The following TMEM108 variants were observed in gnomAD, a reference collection of about 807,000 sequenced individuals.
TMEM108 encodes the protein transmembrane protein 108.
Under a neutral mutation model 35.1 loss-of-function variants are expected in TMEM108, and 12 were observed. The observed-to-expected ratio is 0.34, with a 90% CI of 0.22 to 0.55. TMEM108 has a LOEUF of 0.55. Among genes scored for constraint, TMEM108 ranks in the 20% least tolerant of loss-of-function variants. The probability of loss-of-function intolerance (pLI) is 0.89; values close to 1 mark genes in which losing one functional copy is unlikely to be tolerated. For missense variants in TMEM108, 680 were observed against 753.3 expected (o/e 0.90, Z 1.14); for synonymous variants, 287 against 308.6 (o/e 0.93, Z 0.73).
In TMEM108 at chr3:133,390,282, A is replaced by G. The variant is rs1403771553; in HGVS notation, c.1553A>G (p.Asn518Ser). 15 of 1,614,226 alleles carry G rather than the reference A, an allele frequency of 9.3e-6. No homozygotes were observed. The highest frequency in any genetic ancestry group is 3.3e-5 in the Admixed American group (2 of 60,026). The change falls in exon 5 of 6, where the codon AAC becomes AGC. Residue 518 changes from asparagine (N) to serine (S), a missense_variant. This residue lies in a region of TMEM108 where 105 missense variants were observed against 150.7 expected (regional missense o/e 0.70). Coordinates refer to ENST00000321871, the MANE Select transcript of TMEM108 (RefSeq NM_023943.4). The stretch of plus-strand genomic sequence containing the variant: ...AACACCATCACCATGGACTACTTCA[A>G]CAGGCATGCTGTGGAGCTGCCCAGG... ...WNNTITMDYF[N>S]RHAVELPREI...
intron 2 of TMEM108, among the ~76,000 whole-genome samples, chr3:133,129,574 C>A (rs1944463001): frequency 6.6e-6 from 1 of 152,080 alleles, no homozygotes; most frequent in Non-Finnish European, 1.5e-5. Context: ...CCTGACTTTC[C>A]TGGGAAGGCT....
intron 3 of TMEM108, among the ~76,000 whole-genome samples, chr3:133,284,381 C>G (rs62279002): frequency 1.3e-5 from 2 of 151,976 alleles, no homozygotes; most frequent in South Asian, 4.2e-4. Context: ...TAGAAAGGGC[C>G]GTTTGTTCAA....
intron 3 of TMEM108, among the ~76,000 whole-genome samples, chr3:133,370,145 C>CTTT (rs3054623): frequency 0.012 from 1,484 of 126,786 alleles, 34 homozygotes; most frequent in African/African-American, 0.027. Context: ...TTCAGACTCC[C>CTTT]TTTTTTTTTT....
chr3:133,275,834 A>G (rs1946831397), intron 3 of TMEM108, among the ~76,000 whole-genome samples: 1 of 152,182 alleles, frequency 6.6e-6, no homozygotes, highest in African/African-American at 2.4e-5. Context: ...TTCATTTTTC[A>G]GAGGATTTGC....
chr3:133,120,962 C>G (rs1447250174), intron 2 of TMEM108: 5 of 152,210 alleles, frequency 3.3e-5, no homozygotes, highest in Admixed American at 6.5e-5. Context: ...AACGGTAAGG[C>G]CTTTTTGGCA....
intron 3 of TMEM108, among the ~76,000 whole-genome samples, chr3:133,258,715 T>G (rs1946582935): frequency 6.6e-6 from 1 of 152,104 alleles, no homozygotes. Flanking sequence ...TCCCCAAAAC[T>G]TTGCATGAAG....
chr3:133,172,242 C>A (rs995859064), intron 2 of TMEM108, among the ~76,000 whole-genome samples: 2 of 152,138 alleles, frequency 1.3e-5, no homozygotes, highest in African/African-American at 4.8e-5. Context: ...GGACCCTGGA[C>A]AATCTGGTTC....
At chr3:133,082,996 C>T (rs963386008) in intron 2 of TMEM108, among the ~76,000 whole-genome samples, 6 of 152,194 alleles carry the variant, frequency 3.9e-5, no homozygotes, top group East Asian at 3.9e-4. Context: ...GCCCACTATA[C>T]GTCTAAAACA....
At chr3:133,206,656 C>G (rs1483541529) in intron 2 of TMEM108, among the ~76,000 whole-genome samples, 1 of 152,212 alleles carries the variant, frequency 6.6e-6, no homozygotes, top group Non-Finnish European at 1.5e-5. Context: ...AGATTGCTGC[C>G]TGTTCCTTCC....
intron 3 of TMEM108, among the ~76,000 whole-genome samples, chr3:133,304,170 T>A (rs944525594): frequency 2.0e-5 from 3 of 152,130 alleles, no homozygotes; most frequent in Admixed American, 6.5e-5. Context: ...GTTCAAGAAA[T>A]GCTCAATTCT....
rs1482855754 is a variant in TMEM108, at chr3:133,346,070, A to G, written c.41-33682A>G. On this transcript the variant is annotated intron_variant, in intron 3 of 5. Coordinates refer to ENST00000321871, the MANE Select transcript of TMEM108 (RefSeq NM_023943.4). The surrounding 1 kb of genome is among the most constrained non-coding windows in gnomAD (Gnocchi z 4.0). ...ACATCTTGGTTGCTTCTAGTTGTTG[A>G]CAATTATGAATAAAGTAGCTATAAG... is the stretch of plus-strand genomic sequence containing the variant. Among the ~76,000 whole-genome samples the G allele has an allele frequency of 6.6e-6, 1 of 151,950 alleles. No individual in the cohort carries two copies. Among genetic ancestry groups the G allele is most frequent in the African/African-American group, 2.4e-5 (1 of 41,434 alleles).
chr3:133,171,280 G>A (rs1405353300), intron 2 of TMEM108, among the ~76,000 whole-genome samples: 1 of 152,124 alleles, frequency 6.6e-6, no homozygotes, highest in East Asian at 1.9e-4. Context: ...AAGGATGTTA[G>A]GGGCACAATA....
At chr3:133,194,250 A>T (rs750458830) in intron 2 of TMEM108, among the ~76,000 whole-genome samples, 1 of 152,068 alleles carries the variant, frequency 6.6e-6, no homozygotes, top group Non-Finnish European at 1.5e-5. Context: ...TTAATTCCTA[A>T]ATCATATCAA....
intron 3 of TMEM108, among the ~76,000 whole-genome samples, chr3:133,373,384 TGATA>T (rs55867564): frequency 0.33 from 45,120 of 135,716 alleles, 7,689 homozygotes; most frequent in African/African-American, 0.38. Context: ...GATAGATAGA[TGATA>T]GATAGATAGA....
intron 1 of TMEM108, among the ~76,000 whole-genome samples, chr3:133,045,626 A>G (rs143207431): frequency 6.6e-6 from 1 of 152,332 alleles, no homozygotes; most frequent in African/African-American, 2.4e-5. Context: ...AGCTGACTGG[A>G]ATGGAGAGGA....
chr3:133,233,346 A>C (rs1292567099), intron 3 of TMEM108, among the ~76,000 whole-genome samples: 1 of 151,304 alleles, frequency 6.6e-6, no homozygotes, highest in African/African-American at 2.4e-5. Context: ...AATTTCATCC[A>C]TGTCCCTACA....
chr3:133,151,307 A>G (rs1340790339), intron 2 of TMEM108, among the ~76,000 whole-genome samples: 1 of 152,174 alleles, frequency 6.6e-6, no homozygotes, highest in Non-Finnish European at 1.5e-5. Flanking sequence ...AGTTTATGGC[A>G]CCAAGATGCC....
At chr3:133,387,687 A>T (rs997378497) in intron 4 of TMEM108, 1 of 632,286 alleles carries the variant, frequency 1.6e-6, no homozygotes, top group African/African-American at 2.0e-5. Flanking sequence ...TTGTTTCAGC[A>T]CCTACTGTGC....
At chr3:133,095,187 A>G (rs1324565470) in intron 2 of TMEM108, among the ~76,000 whole-genome samples, 1 of 152,156 alleles carries the variant, frequency 6.6e-6, no homozygotes, top group African/African-American at 2.4e-5. Context: ...ATCCAAAGAG[A>G]TGACTCTTTA....
Sources: allele counts gnomAD v4.1 joint callset (sites outside exome capture counted in the v4.1 genomes callset), GRCh38; gene constraint gnomAD v4.1.1; regional missense constraint gnomAD v4.1.1; non-coding constraint Gnocchi (gnomAD v3.1); transcripts MANE v1.5; gene names NCBI Gene and HGNC (gene_info 2026-07-23, HGNC 2026-07-21).